The following MAML3 variants were observed in gnomAD, a reference collection of about 807,000 sequenced individuals.
MAML3 encodes the protein mastermind like transcriptional coactivator 3.
Under a neutral mutation model 101.9 loss-of-function variants are expected in MAML3, and 27 were observed. The observed-to-expected ratio is 0.27, with a 90% CI of 0.20 to 0.37. The LOEUF (loss-of-function observed/expected upper bound fraction) is 0.37, where lower values mean the gene tolerates loss of function less well. Ranked by LOEUF, MAML3 falls within the 10% of genes least tolerant of loss-of-function variation. The pLI is 1.00. For missense variants in MAML3, 1,316 were observed against 1,444.9 expected (o/e 0.91, Z 1.45); for synonymous variants, 501 against 555.9 (o/e 0.90, Z 1.39).
At chr4:140,065,844 C>G (rs1478078729) in intron 1 of MAML3, among the ~76,000 whole-genome samples, 1 of 152,218 alleles carries the variant, frequency 6.6e-6, no homozygotes, top group Non-Finnish European at 1.5e-5. Context: ...CCCAGCACCT[C>G]CATCAAACAG....
intron 2 of MAML3, among the ~76,000 whole-genome samples, chr4:139,795,748 G>A (rs1461892515): frequency 6.6e-6 from 1 of 152,186 alleles, no homozygotes; most frequent in Non-Finnish European, 1.5e-5. Flanking sequence ...CCTGAATGAG[G>A]CTTCCAGCTG....
At chr4:139,775,840 C>T (rs903660039) in intron 2 of MAML3, among the ~76,000 whole-genome samples, 1 of 152,148 alleles carries the variant, frequency 6.6e-6, no homozygotes, top group Non-Finnish European at 1.5e-5. Flanking sequence ...CCTCAAAAGC[C>T]TTTTACCTTC....
At chr4:139,745,509 C>T (rs951794893) in intron 2 of MAML3, among the ~76,000 whole-genome samples, 12 of 152,230 alleles carry the variant, frequency 7.9e-5, no homozygotes, top group African/African-American at 2.6e-4. Context: ...CTGAAAAAAG[C>T]CAAATGCACC....
At chr4:139,872,036 A>G (rs1732018612) in intron 2 of MAML3, among the ~76,000 whole-genome samples, 1 of 152,198 alleles carries the variant, frequency 6.6e-6, no homozygotes, top group Non-Finnish European at 1.5e-5. Flanking sequence ...AGCAGGCACT[A>G]ATTTTTTGTA....
chr4:139,981,030 G>C (rs908733989), intron 1 of MAML3, among the ~76,000 whole-genome samples: 8 of 152,168 alleles, frequency 5.3e-5, no homozygotes, highest in Non-Finnish European at 7.3e-5. Context: ...TTTAGAAATA[G>C]TATATTAGTT....
chr4:139,917,319 T>C (rs1733045527), intron 1 of MAML3, among the ~76,000 whole-genome samples: 1 of 152,236 alleles, frequency 6.6e-6, no homozygotes, highest in South Asian at 2.1e-4. Flanking sequence ...GTATGTTCTC[T>C]GAGTCCAGGG....
intron 2 of MAML3, among the ~76,000 whole-genome samples, chr4:139,750,713 T>C (rs541820608): frequency 9.2e-5 from 14 of 152,328 alleles, no homozygotes; most frequent in African/African-American, 3.1e-4. Context: ...ACTTTCTTTG[T>C]ATATTCTACC....
intron 2 of MAML3, among the ~76,000 whole-genome samples, chr4:139,878,226 C>A (rs1732149969): frequency 6.6e-6 from 1 of 152,200 alleles, no homozygotes; most frequent in South Asian, 2.1e-4. Context: ...CCAACTCCTA[C>A]TCATTCTTGG....
At chr4:140,057,099 A>AC (rs1330116401) in intron 1 of MAML3, among the ~76,000 whole-genome samples, 1 of 151,964 alleles carries the variant, frequency 6.6e-6, no homozygotes, top group East Asian at 1.9e-4. Context: ...ATGAAGCAAG[A>AC]CCCCCGTCTC....
At chr4:139,962,335 A>ATC (rs1462629822) in intron 1 of MAML3, among the ~76,000 whole-genome samples, 1 of 152,128 alleles carries the variant, frequency 6.6e-6, no homozygotes, top group Non-Finnish European at 1.5e-5. Flanking sequence ...AGACAACTTG[A>ATC]TCTCATTGAA....
chr4:139,943,564 TG>T (rs1309925087), intron 1 of MAML3, among the ~76,000 whole-genome samples: 1 of 152,178 alleles, frequency 6.6e-6, no homozygotes, highest in East Asian at 1.9e-4. Context: ...TTCTAGAGAA[TG>T]GCCAGCTCTG....
Position 139,890,263 on chromosome 4 carries a change from G to A in MAML3, c.1173C>T (p.Ala391=), listed in dbSNP as rs761891077. 6.2e-7 allele frequency: 1 copy of A among 1,613,854 alleles called. No individual in the cohort carries two copies. The highest frequency in any genetic ancestry group is 1.1e-5 in the South Asian group (1 of 91,078). Residue 391 remains alanine, a synonymous_variant, in exon 2 of 5, where the codon GCC becomes GCT. Transcript: ENST00000509479. This position sits in a 1 kb window ranked among gnomAD's most constrained non-coding sequence, Gnocchi z 4.1. ...TGCTGGCAACAGAAGGTAAACTAGT[G>A]GCCGTGGAGACAGTAGAAAAGGGAG... ...SGPPFSTVST[A]TSLPSVASTP...
intron 1 of MAML3, among the ~76,000 whole-genome samples, chr4:139,930,383 G>C (rs575389308): frequency 6.6e-6 from 1 of 152,276 alleles, no homozygotes; most frequent in South Asian, 2.1e-4. Flanking sequence ...GGCTTCACTA[G>C]TACAAAGACA....
chr4:140,131,867 C>G (rs546847354), intron 1 of MAML3, among the ~76,000 whole-genome samples: 1 of 152,346 alleles, frequency 6.6e-6, no homozygotes, highest in Admixed American at 6.5e-5. Flanking sequence ...TGTCTCCACT[C>G]AAAATGAGAC....
chr4:140,094,193 G>A (rs1252473818), intron 1 of MAML3, among the ~76,000 whole-genome samples: 1 of 152,188 alleles, frequency 6.6e-6, no homozygotes, highest in Non-Finnish European at 1.5e-5. Context: ...GGGGGAGGGA[G>A]TGAGGGACTC....
intron 1 of MAML3, among the ~76,000 whole-genome samples, chr4:139,996,522 A>C (rs1050244102): frequency 3.9e-5 from 6 of 152,134 alleles, no homozygotes; most frequent in Non-Finnish European, 8.8e-5. Context: ...ATGAAATATC[A>C]ATAATTATGA....
intron 1 of MAML3, among the ~76,000 whole-genome samples, chr4:140,093,205 C>A (rs545601849): frequency 2.6e-4 from 40 of 152,198 alleles, no homozygotes; most frequent in African/African-American, 8.9e-4. Flanking sequence ...ATTCTATTGC[C>A]ATATTATAGA....
chr4:139,745,883 G>A (rs1729304479), intron 2 of MAML3, among the ~76,000 whole-genome samples: 1 of 152,236 alleles, frequency 6.6e-6, no homozygotes, highest in Non-Finnish European at 1.5e-5. Context: ...AAAGATGGCA[G>A]GCAGTAACAG....
chr4:139,755,667 A>G (rs1013448318), intron 2 of MAML3, among the ~76,000 whole-genome samples: 1 of 152,194 alleles, frequency 6.6e-6, no homozygotes, highest in Non-Finnish European at 1.5e-5. Context: ...AGAAAGAGAA[A>G]GAGTGAGCTT....
Sources: allele counts gnomAD v4.1 joint callset (sites outside exome capture counted in the v4.1 genomes callset), GRCh38; gene constraint gnomAD v4.1.1; non-coding constraint Gnocchi (gnomAD v3.1); transcripts MANE v1.5; gene names NCBI Gene and HGNC (gene_info 2026-07-23, HGNC 2026-07-21).